SH3PXD2A: variants seen among roughly 807,000 people sequenced by gnomAD.
SH3PXD2A encodes the protein SH3 and PX domain-containing protein 2A.
Under a neutral mutation model 115.2 loss-of-function variants are expected in SH3PXD2A, and 32 were observed. That is an observed-to-expected ratio of 0.28 (90% CI 0.21 to 0.37). The LOEUF is 0.37. Among genes scored for constraint, SH3PXD2A ranks in the 10% least tolerant of loss-of-function variants. SH3PXD2A has a pLI of 1.00. For synonymous variants in SH3PXD2A, 610 were observed against 629.1 expected, an observed-to-expected ratio of 0.97 and a Z score of 0.45; for missense variants, 1,328 against 1,498.7, an observed-to-expected ratio of 0.89 and a Z score of 1.88.
intron 1 of SH3PXD2A, among the ~76,000 whole-genome samples, chr10:103,811,329 T>C (rs182395400): frequency 2.1e-3 from 324 of 152,316 alleles, no homozygotes; most frequent in African/African-American, 7.5e-3. Context: ...CACAATGGGA[T>C]TGATTGATCA....
intron 2 of SH3PXD2A, among the ~76,000 whole-genome samples, chr10:103,794,598 G>T (rs1404412925): frequency 2.0e-5 from 3 of 152,170 alleles, no homozygotes; most frequent in Non-Finnish European, 4.4e-5. Flanking sequence ...ACTGAAAAGG[G>T]CATCTGCCGC....
At chr10:103,632,465 TG>T (rs2036794670) in intron 8 of SH3PXD2A, among the ~76,000 whole-genome samples, 1 of 152,102 alleles carries the variant, frequency 6.6e-6, no homozygotes, top group Admixed American at 6.5e-5. Flanking sequence ...TCAGCAGCCA[TG>T]GGTGGGGTCA....
chr10:103,641,872 G>C (rs540842535), intron 8 of SH3PXD2A, among the ~76,000 whole-genome samples: 42 of 152,308 alleles, frequency 2.8e-4, no homozygotes, highest in African/African-American at 1.0e-3. Flanking sequence ...CCAGGCAAGA[G>C]TGACTCTGAA....
chr10:103,823,385 T>C (rs951158972), intron 1 of SH3PXD2A, among the ~76,000 whole-genome samples: 1 of 152,220 alleles, frequency 6.6e-6, no homozygotes, highest in African/African-American at 2.4e-5. Context: ...CCCACCTTGA[T>C]TGAGACTGGC....
intron 9 of SH3PXD2A, among the ~76,000 whole-genome samples, chr10:103,623,277 C>T (rs528970648): frequency 5.0e-5 from 7 of 141,126 alleles, no homozygotes; most frequent in South Asian, 4.2e-4. Context: ...GGGCCCCCTC[C>T]CCAGCTTCTC....
intron 2 of SH3PXD2A, among the ~76,000 whole-genome samples, chr10:103,796,682 C>T (rs1470517719): frequency 3.3e-5 from 5 of 152,114 alleles, no homozygotes; most frequent in South Asian, 4.1e-4. Flanking sequence ...CACTCTTACC[C>T]GGAGCCAGCC....
chr10:103,781,228 A>G (rs891959725), intron 2 of SH3PXD2A, among the ~76,000 whole-genome samples: 1 of 152,156 alleles, frequency 6.6e-6, no homozygotes, highest in Non-Finnish European at 1.5e-5. Context: ...ACTAGAATAC[A>G]TTTCCCAGCC....
Position 103,596,492 on chromosome 10 carries a change from C to G in SH3PXD2A, c.*5324G>C, listed in dbSNP as rs2036133332. 1 of 148,438 alleles carries G rather than the reference C, an allele frequency of 6.7e-6. No homozygotes were observed. The highest frequency in any genetic ancestry group is 2.4e-5 in the African/African-American group (1 of 41,108). The allele number at this position is 148,438 out of a possible 1,614,324, so 9.2% of individuals were successfully genotyped here. On this transcript the variant is annotated 3_prime_UTR_variant, in exon 15 of 15. Coordinates refer to ENST00000369774, the MANE Select transcript of SH3PXD2A (RefSeq NM_001394015.1). ...CAGAATGATGTGTGTGAATGACACA[C>G]TTGCTGCCAGAAGCTGTGAGTCCCT... is the stretch of plus-strand genomic sequence containing the variant.
intron 3 of SH3PXD2A, among the ~76,000 whole-genome samples, chr10:103,757,678 C>A (rs556976078): frequency 6.6e-6 from 1 of 152,262 alleles, no homozygotes. Flanking sequence ...GCTTGTTACT[C>A]CCTGCAAGAC....
At chr10:103,725,407 G>A (rs1297232895) in intron 4 of SH3PXD2A, among the ~76,000 whole-genome samples, 1 of 152,144 alleles carries the variant, frequency 6.6e-6, no homozygotes, top group Non-Finnish European at 1.5e-5. Flanking sequence ...GTTTGGACAA[G>A]CAGAGAGGAG....
intron 1 of SH3PXD2A, among the ~76,000 whole-genome samples, chr10:103,844,479 G>C (rs1842820158): frequency 6.6e-6 from 1 of 152,194 alleles, no homozygotes; most frequent in Non-Finnish European, 1.5e-5. Context: ...TCATGAAAGA[G>C]TTTACAAAGC....
chr10:103,835,061 G>C (rs1018428505), intron 1 of SH3PXD2A, among the ~76,000 whole-genome samples: 15 of 152,370 alleles, frequency 9.8e-5, no homozygotes, highest in African/African-American at 3.4e-4. Context: ...GAGCACACAG[G>C]TGGGGCAGAG....
intron 3 of SH3PXD2A, among the ~76,000 whole-genome samples, chr10:103,738,362 C>T (rs560541103): frequency 6.6e-6 from 1 of 152,264 alleles, no homozygotes; most frequent in East Asian, 1.9e-4. Flanking sequence ...ATGTGTGAGG[C>T]CAGGGGGAGG....
rs142363666 is a variant in SH3PXD2A, at chr10:103,801,288, G to A, written c.147C>T (p.Asp49=). The A allele has an allele frequency of 9.3e-6, 15 of 1,606,340 alleles. No individual in the cohort carries two copies. The African/African-American group carries it at 1.9e-4, about 20-fold the overall frequency. ...CGAGCTCTGACAAACTCACCTGCAG[G>A]TCAAAGAACTTGCTGTACCTCCGGT... ...TIYRRYSKFF[D]LQMQLLDKFP... is the part of the protein sequence containing the mutation. The change falls in exon 2 of 15, where the codon GAC becomes GAT. Residue 49 remains aspartate (D), a synonymous_variant. Coordinates refer to ENST00000369774, the MANE Select transcript of SH3PXD2A (RefSeq NM_001394015.1).
At chr10:103,740,227 A>C (rs1018233535) in intron 3 of SH3PXD2A, among the ~76,000 whole-genome samples, 5 of 152,160 alleles carry the variant, frequency 3.3e-5, no homozygotes, top group African/African-American at 1.2e-4. Flanking sequence ...GCAGCTCAGA[A>C]AGGTTGAAGG....
At chr10:103,692,621 G>C (rs2037769996) in intron 6 of SH3PXD2A, among the ~76,000 whole-genome samples, 2 of 152,166 alleles carry the variant, frequency 1.3e-5, no homozygotes, top group Non-Finnish European at 2.9e-5. Context: ...TTCCATCACC[G>C]CTGCACCGCG....
intron 1 of SH3PXD2A, among the ~76,000 whole-genome samples, chr10:103,836,443 C>G (rs1198677897): frequency 6.6e-6 from 1 of 151,688 alleles, no homozygotes; most frequent in African/African-American, 2.4e-5. Context: ...CATCCATACA[C>G]ACATAACACA....
At chr10:103,852,523 A>T (rs1842906049) in intron 1 of SH3PXD2A, among the ~76,000 whole-genome samples, 1 of 152,330 alleles carries the variant, frequency 6.6e-6, no homozygotes, top group Admixed American at 6.5e-5. Flanking sequence ...TCAGCAGAGG[A>T]AAGGCTGGAA....
At chr10:103,822,474 A>T (rs1248215672) in intron 1 of SH3PXD2A, among the ~76,000 whole-genome samples, 1 of 152,184 alleles carries the variant, frequency 6.6e-6, no homozygotes, top group Non-Finnish European at 1.5e-5. Flanking sequence ...CATTCCCTAA[A>T]TCTAACACCA....
Sources: allele counts gnomAD v4.1 joint callset (sites outside exome capture counted in the v4.1 genomes callset), GRCh38; gene constraint gnomAD v4.1.1; transcripts MANE v1.5; gene names NCBI Gene and HGNC (gene_info 2026-07-23, HGNC 2026-07-21).